Variants in COL22A1 observed in about 807,000 individuals in gnomAD.
COL22A1 encodes collagen type XXII alpha 1 chain.
A neutral mutation model predicts 248.9 loss-of-function variants in COL22A1; 221 were observed. That is an observed-to-expected ratio of 0.89 (90% CI 0.80 to 0.99). The LOEUF is 0.99. Ranked by LOEUF, COL22A1 falls within the 50% of genes least tolerant of loss-of-function variation. COL22A1 has a pLI of 0.00. For missense variants in COL22A1, 2,240 were observed against 2,179.0 expected (o/e 1.03, Z -0.56); for synonymous variants, 891 against 793.4 (o/e 1.12, Z -2.07).
chr8:138,720,853 A>G, intron 26 of COL22A1, 61 bp from the exon 27 acceptor site: 1 of 1,316,946 alleles, frequency 7.6e-7, no homozygotes, highest in Non-Finnish European at 1.1e-6. Flanking sequence ...AAACAACACA[A>G]AGTACTAGGC....
intron 2 of COL22A1, among the ~76,000 whole-genome samples, chr8:138,882,480 C>G (rs1824293490): frequency 6.8e-6 from 1 of 147,504 alleles, no homozygotes; most frequent in Admixed American, 6.8e-5. Flanking sequence ...CTCATACACA[C>G]TCCCTCGAAC....
intron 45 of COL22A1, among the ~76,000 whole-genome samples, chr8:138,651,688 G>A (rs1822751538): frequency 6.6e-6 from 1 of 152,124 alleles, no homozygotes; most frequent in Admixed American, 6.5e-5. Flanking sequence ...TCTAAGATGA[G>A]ATGCATCCAT....
chr8:138,853,021 C>A (rs567892900), intron 3 of COL22A1, among the ~76,000 whole-genome samples: 119 of 151,086 alleles, frequency 7.9e-4, no homozygotes, highest in Non-Finnish European at 1.1e-3. Flanking sequence ...CATGCACATA[C>A]AAAAATTAGC....
intron 10 of COL22A1, among the ~76,000 whole-genome samples, chr8:138,806,030 T>TGTGATAG (rs1485344726): frequency 9.7e-3 from 55 of 5,676 alleles, no homozygotes; most frequent in Middle Eastern, 0.12. Flanking sequence ...TGGTGTGTGG[T>TGTGATAG]TGTGTGTGTG....
At chr8:138,709,677 A>T (rs1828786623) in intron 30 of COL22A1, among the ~76,000 whole-genome samples, 1 of 151,606 alleles carries the variant, frequency 6.6e-6, no homozygotes, top group South Asian at 2.1e-4. Context: ...TAGGAGATAT[A>T]CCTAATGTAA....
At chr8:138,742,614 GGGTGATGGTGGTAGTGATTGTGAT>G (rs1831706052) in intron 22 of COL22A1, among the ~76,000 whole-genome samples, 1 of 136,790 alleles carries the variant, frequency 7.3e-6, no homozygotes, top group Admixed American at 7.1e-5. Context: ...GTGGAGTTGA[GGGTGATGGTGGTAGTGATTGTGAT>G]GGTGATGGTG....
chr8:138,837,014 G>A (rs73366887), intron 4 of COL22A1, among the ~76,000 whole-genome samples: 3,953 of 152,244 alleles, frequency 0.026, 160 homozygotes, highest in African/African-American at 0.09. Context: ...GAAGTTATCC[G>A]GTTTTGTTGA....
intron 2 of COL22A1, among the ~76,000 whole-genome samples, chr8:138,882,745 C>T (rs1188215022): frequency 6.6e-6 from 1 of 151,298 alleles, no homozygotes; most frequent in Non-Finnish European, 1.5e-5. Context: ...CTCAAACTCA[C>T]ACACATTCCC....
chr8:138,757,145 T>A (rs1833075740), intron 18 of COL22A1, among the ~76,000 whole-genome samples: 1 of 152,192 alleles, frequency 6.6e-6, no homozygotes, highest in Admixed American at 6.5e-5. Flanking sequence ...CATGAGAACA[T>A]GAAGATCTCC....
At chr8:138,680,742 T>C (rs4243903) in intron 39 of COL22A1, among the ~76,000 whole-genome samples, 149,491 of 152,334 alleles carry the variant, frequency 0.98, 73,409 homozygotes, top group East Asian at 1. Context: ...CATTCTTCAA[T>C]GAAAGATGAC....
intron 47 of COL22A1, among the ~76,000 whole-genome samples, chr8:138,644,898 C>T (rs749969569): frequency 1.3e-5 from 2 of 152,152 alleles, no homozygotes; most frequent in Non-Finnish European, 2.9e-5. Flanking sequence ...GGACGGACGG[C>T]CCGCAAGTGC....
intron 10 of COL22A1, among the ~76,000 whole-genome samples, chr8:138,806,043 GGTGTAGGTA>G (rs1817629250): frequency 3.8e-5 from 1 of 26,656 alleles, no homozygotes; most frequent in African/African-American, 2.2e-4. Flanking sequence ...TGTGTGTGAT[GGTGTAGGTA>G]ATGGTGTGTG....
At chr8:138,653,445 A>G (rs1205659469) in intron 45 of COL22A1, among the ~76,000 whole-genome samples, 1 of 152,190 alleles carries the variant, frequency 6.6e-6, no homozygotes, top group Non-Finnish European at 1.5e-5. Flanking sequence ...CTACCACTAC[A>G]AGGTCTGTGA....
intron 22 of COL22A1, among the ~76,000 whole-genome samples, chr8:138,743,175 T>TGATG (rs926190886): frequency 2.6e-5 from 4 of 151,194 alleles, no homozygotes; most frequent in African/African-American, 9.8e-5. Context: ...ATCACGATGG[T>TGATG]GATGGTGGAG....
intron 64 of COL22A1, among the ~76,000 whole-genome samples, chr8:138,590,481 T>A (rs185346962): frequency 2.3e-3 from 353 of 152,282 alleles, no homozygotes; most frequent in African/African-American, 8.3e-3. Flanking sequence ...TGCCTTCTTT[T>A]AAAAGTTATT....
intron 2 of COL22A1, among the ~76,000 whole-genome samples, chr8:138,878,844 A>C (rs559725112): frequency 6.6e-6 from 1 of 152,068 alleles, no homozygotes; most frequent in Admixed American, 6.5e-5. Flanking sequence ...CATCTCTACT[A>C]AAAAATACAA....
intron 52 of COL22A1, among the ~76,000 whole-genome samples, chr8:138,622,778 A>G (rs1445735054): frequency 6.6e-6 from 1 of 152,170 alleles, no homozygotes; most frequent in Non-Finnish European, 1.5e-5. Flanking sequence ...GCAGTCCTGC[A>G]TCAGTATCTA....
chr8:138,616,368 C>G (rs1033913206), intron 54 of COL22A1, among the ~76,000 whole-genome samples: 5 of 152,186 alleles, frequency 3.3e-5, no homozygotes, highest in Admixed American at 3.3e-4. Context: ...TCCACTTGAC[C>G]CTCTCTACAC....
intron 32 of COL22A1, among the ~76,000 whole-genome samples, chr8:138,698,024 C>T (rs1291975022): frequency 1.3e-5 from 2 of 152,210 alleles, no homozygotes; most frequent in African/African-American, 2.4e-5. Flanking sequence ...CGGCACAGGC[C>T]CCTCACGTGC....
Sources: allele counts gnomAD v4.1 joint callset (sites outside exome capture counted in the v4.1 genomes callset), GRCh38; gene constraint gnomAD v4.1.1; transcripts MANE v1.5; gene names NCBI Gene and HGNC (gene_info 2026-07-23, HGNC 2026-07-21).